Variants in DNAH14 observed in about 807,000 individuals in gnomAD.
DNAH14 encodes the protein axonemal beta dynein heavy chain 14.
Under a neutral mutation model 520.9 loss-of-function variants are expected in DNAH14, and 478 were observed. The observed-to-expected ratio is 0.92, with a 90% CI of 0.85 to 0.99. The LOEUF is 0.99. Among genes scored for constraint, DNAH14 ranks in the 50% least tolerant of loss-of-function variants. The pLI is 0.00. For synonymous variants in DNAH14, 1,581 were observed against 1,757.2 expected, an observed-to-expected ratio of 0.90 and a Z score of 2.51; for missense variants, 4,831 against 5,234.5, an observed-to-expected ratio of 0.92 and a Z score of 2.38.
intron 33 of DNAH14, 126 bp downstream of exon 33, chr1:225,153,009 CA>C (rs1225079609): frequency 2.0e-6 from 2 of 989,044 alleles, no homozygotes; most frequent in Non-Finnish European, 1.4e-6. Context: ...GAATTCCTAT[CA>C]AAATAATGGA....
In DNAH14 at chr1:225,380,288, C is replaced by A; in HGVS notation, c.12846C>A (p.Ser4282Arg). Residue 4282 changes from serine (S) to arginine (R), a missense_variant, in exon 80 of 86, where the codon AGC becomes AGA. Physicochemically the swap from Ser to Arg is moderately radical, Grantham distance 110 (BLOSUM62 -1). Coordinates refer to ENST00000682510, the MANE Select transcript of DNAH14 (RefSeq NM_001367479.1). The part of the protein sequence containing the change: ...TPSTLKSMMS[S>R]SIWESLSKNL... ...GCACATTGAAGAGCATGATGTCAAG[C>A]TCCATTTGGGAGTCTCTTTCTAAAA... 3 of 1,551,578 alleles carry A rather than the reference C, an allele frequency of 1.9e-6. No homozygotes were observed. Among genetic ancestry groups the A allele is most frequent in the Non-Finnish European group, 1.7e-6 (2 of 1,146,962 alleles).
At chr1:225,267,542 G>A (rs927989443) in intron 49 of DNAH14, among the ~76,000 whole-genome samples, 21 of 151,834 alleles carry the variant, frequency 1.4e-4, no homozygotes, top group Admixed American at 2.0e-4. Flanking sequence ...CGCCTGCCTC[G>A]GCCTCCCAAA....
intron 55 of DNAH14, among the ~76,000 whole-genome samples, chr1:225,299,326 A>G (rs1048634423): frequency 6.6e-6 from 1 of 152,182 alleles, no homozygotes; most frequent in Non-Finnish European, 1.5e-5. Flanking sequence ...TATGATCCAG[A>G]CATATATAGT....
rs373867507 is a variant in DNAH14, at chr1:225,320,233, C to T, written c.9335+1556C>T. 3.3e-5 allele frequency among the ~76,000 whole-genome samples: 5 copies of T among 152,242 alleles called. No homozygotes were observed. The South Asian group carries it at 1.0e-3, about 32-fold the overall frequency. On this transcript the variant is annotated intron_variant, in intron 61 of 85. Coordinates refer to ENST00000682510, the MANE Select transcript of DNAH14 (RefSeq NM_001367479.1). ...TATAAGCTCTCTGTGCCTGAGCTTCCCTTTTGTGCAACAGTGATTGCAGAT... is the reference window on the plus strand; with the variant it reads ...TATAAGCTCTCTGTGCCTGAGCTTCTCTTTTGTGCAACAGTGATTGCAGAT...
At chr1:225,059,459 A>G (rs926968067) in intron 17 of DNAH14, among the ~76,000 whole-genome samples, 6 of 152,090 alleles carry the variant, frequency 3.9e-5, no homozygotes, top group African/African-American at 1.4e-4. Context: ...CAGCACACTG[A>G]TGGGTCTTGA....
At chr1:224,949,101 A>T (rs979127023) in intron 1 of DNAH14, among the ~76,000 whole-genome samples, 2 of 152,122 alleles carry the variant, frequency 1.3e-5, no homozygotes, top group Non-Finnish European at 2.9e-5. Flanking sequence ...TTATCTGGTT[A>T]AAAAAACACA....
chr1:225,116,644 G>A (rs2076892205), intron 23 of DNAH14, among the ~76,000 whole-genome samples: 1 of 152,158 alleles, frequency 6.6e-6, no homozygotes, highest in South Asian at 2.1e-4. Flanking sequence ...CTCAAGAAGA[G>A]CATAATGAGT....
chr1:225,156,557 G>A (rs116321561), intron 34 of DNAH14, among the ~76,000 whole-genome samples: 7,109 of 152,134 alleles, frequency 0.047, 510 homozygotes, highest in African/African-American at 0.16. Context: ...GTCAATCAGT[G>A]TATGGCAGTC....
intron 26 of DNAH14, among the ~76,000 whole-genome samples, chr1:225,123,235 T>C (rs2148892850): frequency 6.6e-6 from 1 of 152,354 alleles, no homozygotes; most frequent in Admixed American, 6.5e-5. Context: ...TCATAAATAC[T>C]ATTAGCAATT....
chr1:225,363,492 C>T (rs116002811), intron 75 of DNAH14, among the ~76,000 whole-genome samples: 1,555 of 152,280 alleles, frequency 0.01, 33 homozygotes, highest in African/African-American at 0.035. Flanking sequence ...GCCCTAACCA[C>T]CCAGGTAGCT....
chr1:225,047,174 C>A (rs2068042671), intron 15 of DNAH14, among the ~76,000 whole-genome samples: 2 of 152,116 alleles, frequency 1.3e-5, no homozygotes, highest in Admixed American at 6.5e-5. Context: ...ATTCCTAGAT[C>A]TTTTTGTTTG....
At chr1:225,230,088 T>C (rs1330656340) in intron 41 of DNAH14, among the ~76,000 whole-genome samples, 1 of 152,162 alleles carries the variant, frequency 6.6e-6, no homozygotes, top group Non-Finnish European at 1.5e-5. Context: ...TCTGGTCTAC[T>C]ATCCTTTATT....
intron 76 of DNAH14, among the ~76,000 whole-genome samples, chr1:225,365,400 G>C (rs1048181428): frequency 6.6e-6 from 1 of 152,286 alleles, no homozygotes; most frequent in African/African-American, 2.4e-5. Flanking sequence ...GGTCCTAACA[G>C]CAGAGAAAAC....
rs1164839888 is a variant in DNAH14, at chr1:225,241,358, AAG to A, written c.6748+540_6748+541del. Among the ~76,000 whole-genome samples the A allele has an allele frequency of 2.0e-5, 3 of 152,192 alleles. 1 individual carries two copies. Among genetic ancestry groups the A allele is most frequent in the African/African-American group, 7.2e-5 (3 of 41,452 alleles). ...AGTGATTGTTGATGCAGGTACCAAAAAGAGACAAAATATTAAGCATAAATATA... is the reference window on the plus strand; with the variant it reads ...AGTGATTGTTGATGCAGGTACCAAAAAGACAAAATATTAAGCATAAATATA... On this transcript the variant is annotated intron_variant, in intron 43 of 85. Transcript: ENST00000682510.
In DNAH14 at chr1:225,346,394, T is replaced by C; in HGVS notation, c.11097+14T>C. 1 of 1,526,968 alleles carries C rather than the reference T, an allele frequency of 6.5e-7. No individual in the cohort carries two copies. Among genetic ancestry groups the C allele is most frequent in the Non-Finnish European group, 8.8e-7 (1 of 1,138,540 alleles). The allele number at this position is 1,526,968 out of a possible 1,614,324, so 94.6% of individuals were successfully genotyped here. ...AGTATTTTTAAGGTGAGATATTCTT[T>C]AGTGTGAATTTTACATGCTTATTTA... On this transcript the variant is annotated intron_variant, in intron 70 of 85. Transcript: ENST00000682510.
At position 224,937,018 on chromosome 1, in the gene DNAH14, C is replaced by G. The variant is rs115409877; in HGVS notation, c.-34+7183C>G. Among the ~76,000 whole-genome samples the G allele has an allele frequency of 2.1e-3, 319 of 152,022 alleles. 1 individual carries two copies. Among genetic ancestry groups the G allele is most frequent in the African/African-American group, 7.3e-3 (305 of 41,524 alleles). ...AAAAGCATTTTATAAAATTAAACAT[C>G]CTTTTATGATAAACATCCTCATCAA... On this transcript the variant is annotated intron_variant, in intron 1 of 85. Coordinates refer to ENST00000682510, the MANE Select transcript of DNAH14 (RefSeq NM_001367479.1).
At chr1:225,198,211 T>C (rs990889360) in intron 38 of DNAH14, among the ~76,000 whole-genome samples, 3 of 145,866 alleles carry the variant, frequency 2.1e-5, no homozygotes, top group African/African-American at 5.2e-5. Context: ...GATATGTCCC[T>C]TGTATGCCAA....
chr1:225,284,345 A>C (rs1174864030), intron 54 of DNAH14, among the ~76,000 whole-genome samples: 1 of 152,160 alleles, frequency 6.6e-6, no homozygotes. Flanking sequence ...GAAATTAAAA[A>C]AAGATTATAA....
chr1:224,979,994 C>T (rs1367745083), intron 8 of DNAH14, among the ~76,000 whole-genome samples: 1 of 152,164 alleles, frequency 6.6e-6, no homozygotes, highest in Non-Finnish European at 1.5e-5. Context: ...CAGTGTTAAC[C>T]AGGTAGTACA....
Sources: gnomAD v4.1 joint callset for allele counts (sites outside exome capture counted in the v4.1 genomes callset) on GRCh38, gnomAD v4.1.1 for gene constraint, MANE v1.5 for transcripts, NCBI Gene and HGNC (gene_info 2026-07-23, HGNC 2026-07-21) for gene names.